ADAM28: variants seen among roughly 807,000 people sequenced by gnomAD.
The protein encoded by ADAM28 is ADAM metallopeptidase domain 28, also known as disintegrin and metalloproteinase domain-containing protein 28.
Under a neutral mutation model 101.2 loss-of-function variants are expected in ADAM28, and 105 were observed. The observed-to-expected ratio is 1.04, with a 90% CI of 0.89 to 1.22. The LOEUF is 1.22. Among genes scored for constraint, ADAM28 ranks in the 50% most tolerant of loss-of-function variants. The probability of loss-of-function intolerance (pLI) is 0.00; values close to 1 mark genes in which losing one functional copy is unlikely to be tolerated. For synonymous variants in ADAM28, 322 were observed against 310.6 expected (o/e 1.04, Z -0.39); for missense variants, 1,028 against 945.4 (o/e 1.09, Z -1.15).
At chr8:24,330,206 G>T in intron 11 of ADAM28, 91 bp downstream of exon 11, 1 of 1,455,416 alleles carries the variant, frequency 6.9e-7, no homozygotes, top group Non-Finnish European at 9.2e-7. Flanking sequence ...TCAACAACGT[G>T]TTCGAGTTTT....
Position 24,343,675 on chromosome 8 carries a change from T to C in ADAM28, c.1990+91T>C, listed in dbSNP as rs1044249347. 6 of 1,173,992 alleles carry C rather than the reference T, an allele frequency of 5.1e-6. No homozygotes were observed. In the East Asian group the frequency reaches 1.5e-4, roughly 29 times the overall value. 72.7% of individuals were successfully genotyped at this position (1,173,992 alleles called of 1,614,324 possible). On this transcript the variant is annotated intron_variant, in intron 18 of 22. Coordinates refer to ENST00000265769, the MANE Select transcript of ADAM28 (RefSeq NM_014265.6). The stretch of plus-strand genomic sequence containing the variant: ...ATATGAGATTTCACTGCTTCTTTTC[T>C]CTGTTCTTGAAATTTCTGTTCTGTT...
intron 18 of ADAM28, among the ~76,000 whole-genome samples, chr8:24,348,005 T>C (rs185406479): frequency 3.3e-5 from 5 of 152,262 alleles, no homozygotes; most frequent in Non-Finnish European, 5.9e-5. Context: ...CTGAGGAACT[T>C]AGTCCGTTTA....
At chr8:24,306,367 T>TATATATATAA (rs1563270573) in intron 2 of ADAM28, among the ~76,000 whole-genome samples, 10 of 136,320 alleles carry the variant, frequency 7.3e-5, no homozygotes, top group African/African-American at 2.2e-4. Flanking sequence ...TAAATAAATA[T>TATATATATAA]ATATATATAT....
In ADAM28 at chr8:24,321,211, C is replaced by T. The variant is rs766423943; in HGVS notation, c.649-7C>T. ...ATGCCCATATTCTTTCTTAATTTTT[C>T]TTTTAGTTTAAAAGGTACAATGAGA... On this transcript the variant is annotated splice_polypyrimidine_tract_variant and splice_region_variant and intron_variant, in intron 7 of 22. Transcript: ENST00000265769. 1 of 1,576,924 alleles carries T rather than the reference C, an allele frequency of 6.3e-7. No individual in the cohort carries two copies. Among genetic ancestry groups the T allele is most frequent in the Non-Finnish European group, 8.7e-7 (1 of 1,148,270 alleles).
At chr8:24,318,834 T>A (rs977032438) in intron 6 of ADAM28, among the ~76,000 whole-genome samples, 2 of 152,052 alleles carry the variant, frequency 1.3e-5, no homozygotes, top group Non-Finnish European at 2.9e-5. Flanking sequence ...ATAATAACCA[T>A]GGCAACAGCC....
chr8:24,296,352 G>T (rs1247471103), intron 1 of ADAM28: 1 of 152,170 alleles, frequency 6.6e-6, no homozygotes, highest in Non-Finnish European at 1.5e-5. Context: ...AATGCATGAA[G>T]TTTAAAACCA....
intron 18 of ADAM28, among the ~76,000 whole-genome samples, chr8:24,343,791 A>G: frequency 6.6e-6 from 1 of 152,182 alleles, no homozygotes; most frequent in East Asian, 1.9e-4. Context: ...ACATGCAAAA[A>G]AATTTCCTCA....
At chr8:24,334,692 G>T (rs1045935099) in intron 13 of ADAM28, among the ~76,000 whole-genome samples, 1 of 152,160 alleles carries the variant, frequency 6.6e-6, no homozygotes, top group African/African-American at 2.4e-5. Context: ...CCCGTCACTG[G>T]TATTAAGATA....
intron 2 of ADAM28, among the ~76,000 whole-genome samples, chr8:24,300,537 T>G (rs1332297639): frequency 6.6e-6 from 1 of 151,962 alleles, no homozygotes; most frequent in African/African-American, 2.4e-5. Context: ...CGCCTCAGCC[T>G]CCCGAGTAGC....
intron 18 of ADAM28, among the ~76,000 whole-genome samples, chr8:24,348,059 T>G (rs1815624842): frequency 6.6e-6 from 1 of 152,170 alleles, no homozygotes; most frequent in Non-Finnish European, 1.5e-5. Context: ...AATCCACAAT[T>G]ATATAGTTTC....
chr8:24,335,371 A>G (rs1045829038), intron 13 of ADAM28, 75 bp from the exon 14 acceptor site: 11 of 1,459,714 alleles, frequency 7.5e-6, no homozygotes, highest in African/African-American at 1.4e-5. Context: ...AATGGAAAAT[A>G]TTTGTGTTAA....
At chr8:24,296,321 C>A (rs1183490073) in intron 1 of ADAM28, 1 of 152,060 alleles carries the variant, frequency 6.6e-6, no homozygotes, top group Admixed American at 6.6e-5. Context: ...AGTTTTTTCC[C>A]TTTTGTTTGT....
At chr8:24,337,625 T>C (rs1814259424) in intron 14 of ADAM28, among the ~76,000 whole-genome samples, 1 of 152,192 alleles carries the variant, frequency 6.6e-6, no homozygotes. Context: ...ACCTCTTAAG[T>C]CATACATTTA....
At chr8:24,306,473 C>G (rs1809711388) in intron 2 of ADAM28, among the ~76,000 whole-genome samples, 1 of 149,688 alleles carries the variant, frequency 6.7e-6, no homozygotes, top group African/African-American at 2.5e-5. Context: ...ATTTTCCCAG[C>G]TAGTGCATTT....
intron 17 of ADAM28, 29 bp downstream of exon 17, chr8:24,343,210 C>T: frequency 1.9e-6 from 3 of 1,603,206 alleles, no homozygotes; most frequent in Non-Finnish European, 2.6e-6. Context: ...TTTCCCTAAG[C>T]TCTCTGAATC....
At chr8:24,297,318 T>C (rs547767736) in intron 1 of ADAM28, among the ~76,000 whole-genome samples, 6 of 152,278 alleles carry the variant, frequency 3.9e-5, no homozygotes, top group East Asian at 3.9e-4. Context: ...TCATGAAACA[T>C]TGGGATTCAG....
intron 6 of ADAM28, among the ~76,000 whole-genome samples, 175 bp downstream of exon 6, chr8:24,313,755 A>C (rs1810786079): frequency 6.7e-6 from 1 of 148,420 alleles, no homozygotes. Flanking sequence ...TTAGGAATCA[A>C]CTATTTTTTT....
intron 21 of ADAM28, among the ~76,000 whole-genome samples, 177 bp downstream of exon 21, chr8:24,352,229 T>A (rs973183795): frequency 6.6e-6 from 1 of 152,240 alleles, no homozygotes; most frequent in Non-Finnish European, 1.5e-5. Context: ...AAAATGAACA[T>A]GTATGTCACT....
In ADAM28 at chr8:24,341,681, G is replaced by T. The variant is rs781219505; in HGVS notation, c.1754G>T (p.Cys585Phe). ...GGACGGATAGTGACTTTCCTGACAT[G>T]TAAAACATTTGATCCTGAAGACACA... is the stretch of plus-strand genomic sequence containing the variant. ...WKGRIVTFLT[C>F]KTFDPEDTSQ... Residue 585 changes from cysteine (C) to phenylalanine (F), a missense_variant, in exon 16 of 23, where the codon TGT (cysteine) becomes TTT (phenylalanine). Transcript: ENST00000265769. 6 of 1,613,836 alleles carry T rather than the reference G, an allele frequency of 3.7e-6. No individual in the cohort carries two copies. In the African/African-American group the frequency reaches 5.3e-5, roughly 14 times the overall value.
Sources: gnomAD v4.1 joint callset for allele counts (sites outside exome capture counted in the v4.1 genomes callset) on GRCh38, gnomAD v4.1.1 for gene constraint, MANE v1.5 for transcripts, NCBI Gene and HGNC (gene_info 2026-07-23, HGNC 2026-07-21) for gene names.